Variants in FMO3 observed in about 807,000 individuals in gnomAD.
FMO3 encodes the protein flavin containing dimethylaniline monoxygenase 3, also known as flavin-containing monooxygenase 3.
FMO3 carries 40 observed loss-of-function variants against 39.4 expected under a neutral mutation model. The ratio of observed to expected loss-of-function variants is 1.02; its 90% CI spans 0.79 to 1.32. The LOEUF (loss-of-function observed/expected upper bound fraction) is 1.32. Among genes scored for constraint, FMO3 ranks in the 40% most tolerant of loss-of-function variants. The probability of loss-of-function intolerance (pLI) is 0.00; values close to 1 mark genes in which losing one functional copy is unlikely to be tolerated. For synonymous variants in FMO3, 219 were observed against 228.8 expected (o/e 0.96, Z 0.39); for missense variants, 680 against 651.8 (o/e 1.04, Z -0.47).
Position 171,113,804 on chromosome 1 carries a change from G to A in FMO3, c.828-203G>A, listed in dbSNP as rs186733910. Among the ~76,000 whole-genome samples, 15 of 152,254 alleles carry A rather than the reference G, an allele frequency of 9.9e-5. 1 individual carries two copies. Among genetic ancestry groups the A allele is most frequent in the Admixed American group, 7.8e-4 (12 of 15,288 alleles). ...GAAGAGAAGGATCACAGAAAATAGAGATGGGGCCAGCAAATAACAACTTCT... is the reference window on the plus strand; with the variant it reads ...GAAGAGAAGGATCACAGAAAATAGAAATGGGGCCAGCAAATAACAACTTCT... On this transcript the variant is annotated intron_variant, in intron 6 of 8. Transcript: ENST00000367755.
At chr1:171,091,364 T>C (rs950843453) in intron 1 of FMO3, among the ~76,000 whole-genome samples, 1 of 152,140 alleles carries the variant, frequency 6.6e-6, no homozygotes, top group African/African-American at 2.4e-5. Flanking sequence ...GCAGTTTGTT[T>C]GTTTCTGGGA....
At chr1:171,116,710 G>T (rs903240270) in intron 8 of FMO3, among the ~76,000 whole-genome samples, 2 of 152,192 alleles carry the variant, frequency 1.3e-5, no homozygotes, top group African/African-American at 4.8e-5. Flanking sequence ...AAGTGAGAAT[G>T]AATCTGGAGA....
intron 5 of FMO3, among the ~76,000 whole-genome samples, chr1:171,108,576 A>G (rs1431257987): frequency 6.6e-6 from 1 of 152,162 alleles, no homozygotes; most frequent in Non-Finnish European, 1.5e-5. Flanking sequence ...TCTCAATGGT[A>G]AAACAGATAA....
chr1:171,114,097 C>A lies in FMO3; in HGVS notation c.918C>A (p.Phe306Leu), dbSNP rs777288786. 6.2e-7 allele frequency: 1 copy of A among 1,613,764 alleles called. No homozygotes were observed. The highest frequency in any genetic ancestry group is 1.1e-5 in the South Asian group (1 of 91,068). The change falls in exon 7 of 9, where the codon TTC becomes TTA. Residue 306 changes from phenylalanine (F) to leucine (L), a missense_variant. Physicochemically the swap from Phe to Leu is conservative, Grantham distance 22. Coordinates refer to ENST00000367755, the MANE Select transcript of FMO3 (RefSeq NM_001002294.3). ...IVSVKPNVKEFTETSAIFEDG... is the reference protein window; with the variant it reads ...IVSVKPNVKELTETSAIFEDG... ...CCGTAAAGCCTAACGTGAAGGAATTCACAGAGACCTCGGCCATTTTTGAGG... is the reference window on the plus strand; with the variant it reads ...CCGTAAAGCCTAACGTGAAGGAATTAACAGAGACCTCGGCCATTTTTGAGG...
chr1:171,101,653 C>T, intron 2 of FMO3: 1 of 473,276 alleles, frequency 2.1e-6, no homozygotes, highest in Admixed American at 2.3e-5. Context: ...ACTTTCTATG[C>T]CCTTCTAGTT....
At chr1:171,115,587 G>T (rs1158626978) in intron 7 of FMO3, among the ~76,000 whole-genome samples, 2 of 152,174 alleles carry the variant, frequency 1.3e-5, no homozygotes, top group Admixed American at 6.5e-5. Flanking sequence ...GATTACCAAA[G>T]AAATCATCCT....
At chr1:171,103,411 C>T (rs1226158243) in intron 2 of FMO3, among the ~76,000 whole-genome samples, 1 of 152,168 alleles carries the variant, frequency 6.6e-6, no homozygotes, top group African/African-American at 2.4e-5. Flanking sequence ...TAAGTATACA[C>T]TTGGCCATCT....
Position 171,096,408 on chromosome 1 carries a change from TTA to T in FMO3, c.132+3624_132+3625del, listed in dbSNP as rs573075021. Among the ~76,000 whole-genome samples, 185 of 101,692 alleles carry T rather than the reference TTA, an allele frequency of 1.8e-3. 2 individuals carry two copies. Among genetic ancestry groups the T allele is most frequent in the African/African-American group, 6.9e-3 (169 of 24,380 alleles). The allele number at this position is 101,692 out of a possible 152,430, so 66.7% of individuals were successfully genotyped here. A position where few individuals can be genotyped will look rare whatever the true frequency, so the allele number is the denominator to read the frequency against. ...TATGTTATATATAATTACATATATA[TTA>T]TATATGTTATATATAATATATATTA... On this transcript the variant is annotated intron_variant, in intron 2 of 8. Transcript: ENST00000367755.
At chr1:171,092,030 C>T (rs1262067814) in intron 1 of FMO3, among the ~76,000 whole-genome samples, 1 of 151,838 alleles carries the variant, frequency 6.6e-6, no homozygotes, top group Non-Finnish European at 1.5e-5. Context: ...ATCTTTATTT[C>T]TTCTGCTTAC....
chr1:171,098,695 G>A (rs1655219292), intron 2 of FMO3, among the ~76,000 whole-genome samples: 1 of 152,170 alleles, frequency 6.6e-6, no homozygotes, highest in Non-Finnish European at 1.5e-5. Flanking sequence ...TTTGGGCTGA[G>A]ACGATGGGGT....
chr1:171,092,802 G>C lies in FMO3; in HGVS notation c.132+12G>C, dbSNP rs371225193. 1 of 1,613,510 alleles carries C rather than the reference G, an allele frequency of 6.2e-7. No homozygotes were observed. The highest frequency in any genetic ancestry group is 2.2e-5 in the East Asian group (1 of 44,872). On this transcript the variant is annotated intron_variant, in intron 2 of 8. Coordinates refer to ENST00000367755, the MANE Select transcript of FMO3 (RefSeq NM_001002294.3). ...TGTGGAAATTTTCAGTGAGTAGCAT[G>C]TTGTTGTAATAGACAGGAAAATAGG...
At chr1:171,112,966 TAC>T (rs1310632059) in intron 6 of FMO3, among the ~76,000 whole-genome samples, 1 of 152,078 alleles carries the variant, frequency 6.6e-6, no homozygotes, top group East Asian at 1.9e-4. Flanking sequence ...ACAAAATGAA[TAC>T]AGTGTTTCAA....
chr1:171,092,510 C>T (rs1423046907), intron 1 of FMO3, 143 bp from the exon 2 acceptor site: 22 of 912,242 alleles, frequency 2.4e-5, no homozygotes, highest in East Asian at 1.1e-4. Flanking sequence ...GGATTACAGG[C>T]GTGAGCTACC....
Position 171,092,642 on chromosome 1 carries a change from C to G in FMO3, c.-6-11C>G. 4 of 1,613,956 alleles carry G rather than the reference C, an allele frequency of 2.5e-6. No homozygotes were observed. Among genetic ancestry groups the G allele is most frequent in the Non-Finnish European group, 3.4e-6 (4 of 1,179,858 alleles). ...GTTGTTACTGGAAATGTTCTCTGGG[C>G]CTTTGCACAGGTTACCATGGGGAAG... On this transcript the variant is annotated splice_polypyrimidine_tract_variant and intron_variant, in intron 1 of 8. Coordinates refer to ENST00000367755, the MANE Select transcript of FMO3 (RefSeq NM_001002294.3).
intron 7 of FMO3, 119 bp downstream of exon 7, chr1:171,114,481 T>C: frequency 3.9e-6 from 3 of 761,822 alleles, no homozygotes; most frequent in Middle Eastern, 3.5e-4. Flanking sequence ...AAATTTATAA[T>C]TCTATATTCT....
intron 2 of FMO3, among the ~76,000 whole-genome samples, chr1:171,096,047 T>TATA: frequency 1.8e-5 from 1 of 57,068 alleles, no homozygotes. Flanking sequence ...ATATTATATA[T>TATA]AAATATATAA....
chr1:171,091,875 AAAG>A (rs534745570), intron 1 of FMO3, among the ~76,000 whole-genome samples: 8 of 151,678 alleles, frequency 5.3e-5, no homozygotes, highest in African/African-American at 9.7e-5. Context: ...ATCTAAGTAA[AAAG>A]AAGATACAGA....
Position 171,108,118 on chromosome 1 carries a change from A to T in FMO3, c.524A>T (p.Asp175Val). 1 of 1,613,904 alleles carries T rather than the reference A, an allele frequency of 6.2e-7. No individual in the cohort carries two copies. The highest frequency in any genetic ancestry group is 1.1e-5 in the South Asian group (1 of 91,070). ...AAAGGCAAATGCTTCCACAGCAGGG[A>T]CTATAAAGAACCAGGTGTATTCAAT... ...HFKGKCFHSR[D>V]YKEPGVFNGK... The change falls in exon 5 of 9, where the codon GAC (aspartate) becomes GTC (valine). Residue 175 changes from aspartate to valine, a missense_variant. Transcript: ENST00000367755.
At chr1:171,108,756 A>T (rs1655764131) in intron 5 of FMO3, among the ~76,000 whole-genome samples, 1 of 152,168 alleles carries the variant, frequency 6.6e-6, no homozygotes, top group Non-Finnish European at 1.5e-5. Context: ...TGCTGAAGAC[A>T]GTGGTGAACA....
Sources: gnomAD v4.1 joint callset for allele counts (sites outside exome capture counted in the v4.1 genomes callset) on GRCh38, gnomAD v4.1.1 for gene constraint, MANE v1.5 for transcripts, NCBI Gene and HGNC (gene_info 2026-07-23, HGNC 2026-07-21) for gene names.